Variants in PPHLN1 observed in about 807,000 individuals in gnomAD.
PPHLN1 encodes the protein periphilin 1, also known as periphilin-1.
Under a neutral mutation model 51.3 loss-of-function variants are expected in PPHLN1, and 29 were observed. The ratio of observed to expected loss-of-function variants is 0.57; its 90% CI spans 0.42 to 0.77. The LOEUF (loss-of-function observed/expected upper bound fraction) is 0.77. Ranked by LOEUF, PPHLN1 falls within the 30% of genes least tolerant of loss-of-function variation. The pLI, the probability that PPHLN1 is intolerant of heterozygous loss-of-function variation, is 0.00. For missense variants in PPHLN1, 436 were observed against 438.4 expected (o/e 0.99, Z 0.05); for synonymous variants, 147 against 147.8 (o/e 0.99, Z 0.04).
intron 9 of PPHLN1, among the ~76,000 whole-genome samples, chr12:42,430,974 T>A (rs1388617529): frequency 6.6e-6 from 1 of 152,248 alleles, no homozygotes; most frequent in Admixed American, 6.5e-5. Context: ...TTTCAGTAGT[T>A]CCAGTTATGT....
At chr12:42,427,602 A>G (rs113686731) in intron 9 of PPHLN1, among the ~76,000 whole-genome samples, 23 of 152,176 alleles carry the variant, frequency 1.5e-4, no homozygotes, top group African/African-American at 5.3e-4. Flanking sequence ...ACAAAAATCA[A>G]CTCAAGATGG....
chr12:42,333,418 T>A (rs889457629), intron 1 of PPHLN1, among the ~76,000 whole-genome samples: 2 of 152,098 alleles, frequency 1.3e-5, no homozygotes, highest in Non-Finnish European at 2.9e-5. Context: ...TTTTAATAAA[T>A]ATTGCCAAAT....
chr12:42,357,336 G>A (rs1379029179), intron 4 of PPHLN1, among the ~76,000 whole-genome samples: 1 of 152,126 alleles, frequency 6.6e-6, no homozygotes, highest in Admixed American at 6.5e-5. Flanking sequence ...AAAATGCCTT[G>A]AAAAAGATGT....
At chr12:42,426,886 G>A (rs556086404) in intron 9 of PPHLN1, among the ~76,000 whole-genome samples, 2 of 152,284 alleles carry the variant, frequency 1.3e-5, no homozygotes, top group Admixed American at 6.5e-5. Flanking sequence ...GACCTCTTTG[G>A]TGGTAGATGA....
At chr12:42,377,307 T>G (rs1469111365) in intron 5 of PPHLN1, among the ~76,000 whole-genome samples, 2 of 146,526 alleles carry the variant, frequency 1.4e-5, no homozygotes, top group African/African-American at 5.1e-5. Context: ...CTTTCTTTTT[T>G]TTTTTTTTTT....
rs5797791 is a variant in PPHLN1 at position 42,375,315 on chromosome 12, G to GTTTT, written c.511+256_511+259dup. The GTTTT allele has an allele frequency of 2.0e-3, 301 of 148,944 alleles. 1 individual carries two copies. Among genetic ancestry groups the GTTTT allele is most frequent in the Middle Eastern group, 6.7e-3 (2 of 298 alleles). 9.2% of individuals were successfully genotyped at this position (148,944 alleles called of 1,614,324 possible). On this transcript the variant is annotated intron_variant, in intron 5 of 9. Transcript: ENST00000358314. ...CTTTAATTTCTTCAGCATGTAAAAG[G>GTTTT]TTTTTTTTTTTTTTTTTTCAGAGTC...
chr12:42,384,865 C>T, intron 5 of PPHLN1, 75 bp from the exon 6 acceptor site: 1 of 1,415,322 alleles, frequency 7.1e-7, no homozygotes, highest in Non-Finnish European at 1.0e-6. Context: ...ATCACTCCTA[C>T]TTCTGAGTTC....
intron 3 of PPHLN1, among the ~76,000 whole-genome samples, chr12:42,353,404 A>T (rs2073645147): frequency 6.6e-6 from 1 of 152,218 alleles, no homozygotes; most frequent in African/African-American, 2.4e-5. Flanking sequence ...ACGCTTGAAG[A>T]AATGGAGGTA....
At chr12:42,402,394 T>G (rs2078922238) in intron 9 of PPHLN1, among the ~76,000 whole-genome samples, 1 of 152,178 alleles carries the variant, frequency 6.6e-6, no homozygotes, top group African/African-American at 2.4e-5. Flanking sequence ...TCAGACTTTA[T>G]TTTGTTGATT....
intron 4 of PPHLN1, among the ~76,000 whole-genome samples, chr12:42,363,584 C>A (rs751128772): frequency 3.3e-5 from 5 of 151,580 alleles, no homozygotes; most frequent in Non-Finnish European, 7.4e-5. Flanking sequence ...GATTAAATAA[C>A]AGCTAATGGA....
chr12:42,415,889 T>G (rs1047749860), intron 9 of PPHLN1, among the ~76,000 whole-genome samples: 1 of 152,234 alleles, frequency 6.6e-6, no homozygotes, highest in Admixed American at 6.5e-5. Context: ...CTGTGACCAC[T>G]TCTTATTTAT....
intron 1 of PPHLN1, among the ~76,000 whole-genome samples, chr12:42,335,121 C>T (rs1203938117): frequency 1.3e-5 from 2 of 152,020 alleles, no homozygotes; most frequent in African/African-American, 2.4e-5. Flanking sequence ...TTTCTATTTT[C>T]ATCTCTTCTT....
At chr12:42,447,824 C>G (rs1176158887), downstream of PPHLN1, 1 of 152,084 alleles carries the variant, frequency 6.6e-6, no homozygotes, top group Non-Finnish European at 1.5e-5. Flanking sequence ...ATGTATTGTG[C>G]CATTCCGCAA....
intron 9 of PPHLN1, among the ~76,000 whole-genome samples, chr12:42,436,111 A>G (rs1566034038): frequency 6.6e-6 from 1 of 152,206 alleles, no homozygotes; most frequent in Non-Finnish European, 1.5e-5. Context: ...TGCCAAATCC[A>G]GTCAATATGT....
chr12:42,413,156 T>C (rs2080028411), intron 9 of PPHLN1, among the ~76,000 whole-genome samples: 1 of 152,222 alleles, frequency 6.6e-6, no homozygotes, highest in South Asian at 2.1e-4. Flanking sequence ...TTGCATTTGC[T>C]TCTGGGGTCT....
At chr12:42,421,745 A>G (rs2081027502) in intron 9 of PPHLN1, among the ~76,000 whole-genome samples, 1 of 152,182 alleles carries the variant, frequency 6.6e-6, no homozygotes, top group Non-Finnish European at 1.5e-5. Context: ...TAGAATGTAT[A>G]GTAGATAGTA....
chr12:42,349,552 C>CGGCCT (rs1364515304), intron 2 of PPHLN1, among the ~76,000 whole-genome samples: 1 of 150,758 alleles, frequency 6.6e-6, no homozygotes, highest in East Asian at 1.9e-4. Flanking sequence ...GAGGACCCTG[C>CGGCCT]GGCCTTCCGC....
chr12:42,431,744 A>G (rs1225429636), intron 9 of PPHLN1: 3 of 1,033,228 alleles, frequency 2.9e-6, no homozygotes, highest in Middle Eastern at 4.0e-4. Context: ...CTCCTGGAGT[A>G]TGCTGTAGCT....
Position 42,332,658 on chromosome 12 carries a change from A to G in PPHLN1, c.-20-3225A>G, listed in dbSNP as rs966382688. 4.4e-6 allele frequency: 7 copies of G among 1,573,924 alleles called. No homozygotes were observed. In the Admixed American group the frequency reaches 1.0e-4, roughly 23 times the overall value. Reference sequence around the variant, plus strand: ...TTACGTCTGTATTTCCCCCCCTTACAGGAAATTGTTGAAAACGTTAAATTT... The same window carrying G: ...TTACGTCTGTATTTCCCCCCCTTACGGGAAATTGTTGAAAACGTTAAATTT... On this transcript the variant is annotated intron_variant, in intron 1 of 9. Transcript: ENST00000358314.
Sources: allele counts gnomAD v4.1 joint callset (sites outside exome capture counted in the v4.1 genomes callset), GRCh38; gene constraint gnomAD v4.1.1; transcripts MANE v1.5; gene names NCBI Gene and HGNC (gene_info 2026-07-23, HGNC 2026-07-21).